CNTN5: variants seen among roughly 807,000 people sequenced by gnomAD.
CNTN5 encodes the protein contactin-5.
A neutral mutation model predicts 129.1 loss-of-function variants in CNTN5; 77 were observed. That is an observed-to-expected ratio of 0.60 (90% CI 0.50 to 0.72). CNTN5 has a LOEUF of 0.72. Ranked by LOEUF, CNTN5 falls within the 30% of genes least tolerant of loss-of-function variation. The pLI is 0.00. For missense variants in CNTN5, 1,478 were observed against 1,328.8 expected (o/e 1.11, Z -1.75); for synonymous variants, 509 against 465.6 (o/e 1.09, Z -1.20).
intron 7 of CNTN5, among the ~76,000 whole-genome samples, chr11:99,943,914 C>T (rs924008315): frequency 1.3e-5 from 2 of 152,158 alleles, no homozygotes; most frequent in African/African-American, 4.8e-5. Context: ...GGTACCATTA[C>T]CATACTGTTT....
At chr11:99,371,248 C>A (rs1939802710) in intron 2 of CNTN5, among the ~76,000 whole-genome samples, 3 of 151,780 alleles carry the variant, frequency 2.0e-5, no homozygotes, top group Admixed American at 2.0e-4. Flanking sequence ...AAATTATATC[C>A]ATTTTTAATG....
chr11:99,645,802 G>C (rs73555614), intron 3 of CNTN5, among the ~76,000 whole-genome samples: 10 of 151,514 alleles, frequency 6.6e-5, no homozygotes, highest in East Asian at 1.9e-4. Context: ...CTGTCGGGGT[G>C]GGGGGCTAGG....
At chr11:99,551,367 G>A (rs764958520) in intron 2 of CNTN5, among the ~76,000 whole-genome samples, 1 of 152,134 alleles carries the variant, frequency 6.6e-6, no homozygotes, top group African/African-American at 2.4e-5. Context: ...TCAGAGTAAA[G>A]GTTGTCTGGT....
chr11:99,970,627 G>C (rs965251699), intron 8 of CNTN5, among the ~76,000 whole-genome samples: 1 of 152,150 alleles, frequency 6.6e-6, no homozygotes, highest in Non-Finnish European at 1.5e-5. Context: ...TATTAACACA[G>C]TACTTATCCT....
intron 15 of CNTN5, among the ~76,000 whole-genome samples, chr11:100,204,357 CAGAT>C (rs749564680): frequency 2.6e-4 from 23 of 88,676 alleles, no homozygotes; most frequent in African/African-American, 4.8e-4. Context: ...TATAGGCAGA[CAGAT>C]AGATATATCG....
intron 4 of CNTN5, among the ~76,000 whole-genome samples, chr11:99,844,057 C>G (rs540591313): frequency 6.6e-6 from 1 of 152,246 alleles, no homozygotes; most frequent in Admixed American, 6.5e-5. Flanking sequence ...TTTAGTTTCA[C>G]TTTCTTCATG....
intron 1 of CNTN5, among the ~76,000 whole-genome samples, chr11:99,217,964 CAAA>C (rs2135693117): frequency 6.6e-6 from 1 of 152,220 alleles, no homozygotes; most frequent in East Asian, 1.9e-4. Flanking sequence ...AAAATAAAAA[CAAA>C]GAAGTTTTGA....
chr11:99,580,036 A>G (rs540850434), intron 3 of CNTN5, among the ~76,000 whole-genome samples: 341 of 26,070 alleles, frequency 0.013, 1 homozygote, highest in African/African-American at 0.027. Flanking sequence ...AGTTTTTAGC[A>G]TGAAGGTTGT....
rs145145801 is a variant in CNTN5, at chr11:99,349,630, C to T, written c.-71+24146C>T. ...TGAACACTTGGAATGACAGCAGGTC[C>T]GGTTGAGGCCATCTGGAGATGTTAG... On this transcript the variant is annotated intron_variant, in intron 2 of 24. Coordinates refer to ENST00000524871, the MANE Select transcript of CNTN5 (RefSeq NM_014361.4). Among the ~76,000 whole-genome samples the T allele has an allele frequency of 6.6e-3, 1,009 of 152,094 alleles. 5 individuals are homozygous for T. The highest frequency in any genetic ancestry group is 0.017 in the South Asian group (81 of 4,800).
At chr11:100,212,726 AT>A (rs1009224422) in intron 15 of CNTN5, among the ~76,000 whole-genome samples, 1 of 151,964 alleles carries the variant, frequency 6.6e-6, no homozygotes, top group African/African-American at 2.4e-5. Context: ...AAGTTTGGTG[AT>A]TTTTTTCATT....
At chr11:100,034,660 G>C (rs1941887966) in intron 9 of CNTN5, among the ~76,000 whole-genome samples, 3 of 152,190 alleles carry the variant, frequency 2.0e-5, no homozygotes, top group Non-Finnish European at 4.4e-5. Flanking sequence ...CCATTTACTT[G>C]TGTATTATTG....
At chr11:100,197,647 C>T (rs1358699876) in intron 15 of CNTN5, among the ~76,000 whole-genome samples, 6 of 151,992 alleles carry the variant, frequency 3.9e-5, no homozygotes, top group Non-Finnish European at 8.8e-5. Flanking sequence ...TAATGGAGGA[C>T]TGTGCTGAGC....
intron 3 of CNTN5, among the ~76,000 whole-genome samples, chr11:99,784,064 A>G (rs1188082297): frequency 6.6e-6 from 1 of 152,128 alleles, no homozygotes; most frequent in African/African-American, 2.4e-5. Flanking sequence ...ACTCAAATGT[A>G]TGTACACATA....
At chr11:100,199,707 CT>C (rs200595425) in intron 15 of CNTN5, among the ~76,000 whole-genome samples, 3,073 of 151,708 alleles carry the variant, frequency 0.02, 119 homozygotes, top group African/African-American at 0.071. Flanking sequence ...GAATGTCCAT[CT>C]TTTTTTTGGT....
intron 1 of CNTN5, among the ~76,000 whole-genome samples, chr11:99,283,950 G>A (rs1863813757): frequency 6.6e-6 from 1 of 152,032 alleles, no homozygotes; most frequent in Admixed American, 6.6e-5. Context: ...AGACTGCTTT[G>A]GACATATGTA....
At chr11:99,297,265 T>C (rs1406366298) in intron 1 of CNTN5, among the ~76,000 whole-genome samples, 1 of 152,078 alleles carries the variant, frequency 6.6e-6, no homozygotes, top group Non-Finnish European at 1.5e-5. Flanking sequence ...GAAAGACCCA[T>C]CCATTGAAGC....
In CNTN5 at chr11:100,218,147, A is replaced by G. The variant is rs370678522; in HGVS notation, c.1885-6545A>G. ...TTGGAGGTCCAAGAAAAAAGTAGAA[A>G]GAATATTTGGAGAAAATAACACATA... is the stretch of plus-strand genomic sequence containing the variant. On this transcript the variant is annotated intron_variant, in intron 15 of 24. Coordinates refer to ENST00000524871, the MANE Select transcript of CNTN5 (RefSeq NM_014361.4). Among the ~76,000 whole-genome samples the G allele has an allele frequency of 6.6e-4, 100 of 152,360 alleles. 1 individual carries two copies. The South Asian group carries it at 0.02, about 30-fold the overall frequency.
At chr11:99,644,537 T>A (rs1029144255) in intron 3 of CNTN5, among the ~76,000 whole-genome samples, 8 of 152,306 alleles carry the variant, frequency 5.3e-5, no homozygotes, top group Admixed American at 3.3e-4. Context: ...ATTCTGACGT[T>A]TAAAATTTTT....
chr11:99,753,757 C>T (rs1488321723), intron 3 of CNTN5, among the ~76,000 whole-genome samples: 18 of 144,058 alleles, frequency 1.2e-4, no homozygotes, highest in South Asian at 2.2e-4. Flanking sequence ...GTCATGATCT[C>T]GGCTCACTGC....
Sources: gnomAD v4.1 joint callset for allele counts (sites outside exome capture counted in the v4.1 genomes callset) on GRCh38, gnomAD v4.1.1 for gene constraint, MANE v1.5 for transcripts, NCBI Gene and HGNC (gene_info 2026-07-23, HGNC 2026-07-21) for gene names.